CLPTM1: variants seen among roughly 807,000 people sequenced by gnomAD.
CLPTM1 encodes CLPTM1 regulator of GABA type A receptor forward trafficking, also known as putative lipid scramblase CLPTM1.
A neutral mutation model predicts 77.3 loss-of-function variants in CLPTM1; 21 were observed. The observed-to-expected ratio is 0.27, with a 90% CI of 0.19 to 0.39. CLPTM1 has a LOEUF of 0.39. Ranked by LOEUF, CLPTM1 falls within the 10% of genes least tolerant of loss-of-function variation. The probability of loss-of-function intolerance (pLI) is 1.00; values close to 1 mark genes in which losing one functional copy is unlikely to be tolerated. For missense variants in CLPTM1, 642 were observed against 921.2 expected, an observed-to-expected ratio of 0.70 and a Z score of 3.92; for synonymous variants, 373 against 381.0, an observed-to-expected ratio of 0.98 and a Z score of 0.24.
Position 44,987,163 on chromosome 19 carries a change from G to C in CLPTM1, c.794-16G>C. 6.2e-7 allele frequency: 1 copy of C among 1,601,596 alleles called. No individual in the cohort carries two copies. Among genetic ancestry groups the C allele is most frequent in the Non-Finnish European group, 8.5e-7 (1 of 1,171,628 alleles). ...CCTGCCCGGGCCAAATGGTGCCCCT[G>C]CCCCACGTGCTGCAGATGTGAAGTT... On this transcript the variant is annotated splice_polypyrimidine_tract_variant and intron_variant, in intron 7 of 13. Transcript: ENST00000337392.
intron 2 of CLPTM1, among the ~76,000 whole-genome samples, chr19:44,965,165 C>A (rs2122249010): frequency 6.6e-6 from 1 of 152,238 alleles, no homozygotes; most frequent in East Asian, 1.9e-4. Context: ...ATCAGCTTCC[C>A]TACTTATGAG....
upstream of CLPTM1, chr19:44,955,008 A>G (rs991146304): frequency 2.0e-6 from 3 of 1,535,592 alleles, no homozygotes; most frequent in African/African-American, 2.7e-5. Flanking sequence ...AGCTCAAGAA[A>G]CATGGAACGA....
At chr19:44,967,373 A>G (rs1970649975) in intron 2 of CLPTM1, among the ~76,000 whole-genome samples, 4 of 150,940 alleles carry the variant, frequency 2.7e-5, no homozygotes, top group African/African-American at 4.9e-5. Context: ...AAAAAAGTTC[A>G]TGAGGCCGGG....
At chr19:44,987,890 C>G in intron 8 of CLPTM1, 190 bp from the exon 9 acceptor site, 1 of 616,172 alleles carries the variant, frequency 1.6e-6, no homozygotes, top group South Asian at 1.9e-5. Flanking sequence ...AGTGCCATCT[C>G]CCCGTCTCTT....
Position 44,974,695 on chromosome 19 carries a change from G to A in CLPTM1, c.468+98G>A, listed in dbSNP as rs540977908. On this transcript the variant is annotated intron_variant, in intron 4 of 13. Transcript: ENST00000337392. Reference sequence around the variant, plus strand: ...TCCTTGCTGAGAGCATGTGGAGTTTGGGCTCCAGGCTTGGCCCTTCCCTGG... The same window carrying A: ...TCCTTGCTGAGAGCATGTGGAGTTTAGGCTCCAGGCTTGGCCCTTCCCTGG... The A allele has an allele frequency of 7.5e-5, 103 of 1,372,946 alleles. No individual in the cohort carries two copies. In the African/African-American group the frequency reaches 1.1e-3, roughly 15 times the overall value. The allele number at this position is 1,372,946 out of a possible 1,614,324, so 85.0% of individuals were successfully genotyped here.
Position 44,963,564 on chromosome 19 carries a change from A to G in CLPTM1, c.185+1489A>G, listed in dbSNP as rs183410330. Among the ~76,000 whole-genome samples the G allele has an allele frequency of 2.6e-3, 392 of 151,734 alleles. 2 individuals carry two copies. Among genetic ancestry groups the G allele is most frequent in the African/African-American group, 8.9e-3 (370 of 41,350 alleles). On this transcript the variant is annotated intron_variant, in intron 2 of 13. Coordinates refer to ENST00000337392, the MANE Select transcript of CLPTM1 (RefSeq NM_001294.4). ...ATGGTCTCTATCTCCTGACCTCATG[A>G]TCCGCCTGCCTTGGCCTCCCAAAGT...
chr19:44,955,362 G>C (rs1000887564), upstream of CLPTM1: 3 of 1,336,636 alleles, frequency 2.2e-6, no homozygotes, highest in Middle Eastern at 2.8e-4. Flanking sequence ...ACGGGGCGGG[G>C]CTGGCGGCGG....
In CLPTM1 at chr19:44,991,276, C is replaced by T. The variant is rs150481529; in HGVS notation, c.1458C>T (p.Leu486=). 2.0e-3 allele frequency: 3,286 copies of T among 1,614,082 alleles called. 8 individuals carry two copies. The highest frequency in any genetic ancestry group is 3.0e-3 in the Admixed American group (180 of 60,016). The change falls in exon 12 of 14, where the codon CTC becomes CTT. Residue 486 remains leucine, a synonymous_variant. Coordinates refer to ENST00000337392, the MANE Select transcript of CLPTM1 (RefSeq NM_001294.4). This position sits in a 1 kb window ranked among gnomAD's most constrained non-coding sequence, Gnocchi z 5.4. ...FRYLSWILFP[L]LGCYAVYSLL... is the part of the protein sequence containing the mutation. ...ACCTGTCCTGGATCCTCTTCCCGCT[C>T]CTGGGCTGCTATGCCGTCTACAGTC...
rs896697871 is a variant in CLPTM1 at position 44,993,026 on chromosome 19, G to T, written c.*129G>T. ...CGGGGCGGTGGGAGGCCCGCCTCAG[G>T]TCAGGGCCCAGCGTGTGATGTAGGG... On this transcript the variant is annotated 3_prime_UTR_variant, in exon 14 of 14. Coordinates refer to ENST00000337392, the MANE Select transcript of CLPTM1 (RefSeq NM_001294.4). 8.4e-7 allele frequency: 1 copy of T among 1,192,982 alleles called. No homozygotes were observed. Among genetic ancestry groups the T allele is most frequent in the South Asian group, 1.3e-5 (1 of 77,390 alleles). 73.9% of individuals were successfully genotyped at this position (1,192,982 alleles called of 1,614,324 possible).
At position 44,990,956 on chromosome 19, in the gene CLPTM1, T is replaced by C; in HGVS notation, c.1419+11T>C. On this transcript the variant is annotated intron_variant, in intron 11 of 13. Coordinates refer to ENST00000337392, the MANE Select transcript of CLPTM1 (RefSeq NM_001294.4). The surrounding 1 kb of genome is among the most constrained non-coding windows in gnomAD (Gnocchi z 4.8). ...AAAGTGTATGATGATGTGAGTGTCC[T>C]GCACAGTGGGCCCCTGGGGGTGGTC... The C allele has an allele frequency of 6.3e-7, 1 of 1,593,098 alleles. No homozygotes were observed. The highest frequency in any genetic ancestry group is 8.6e-7 in the Non-Finnish European group (1 of 1,167,980).
chr19:44,965,979 G>A (rs901772391), intron 2 of CLPTM1, among the ~76,000 whole-genome samples: 10 of 152,250 alleles, frequency 6.6e-5, no homozygotes, highest in Admixed American at 6.5e-4. Context: ...GAAGAGGAGA[G>A]TGGTTATGGG....
intron 6 of CLPTM1, 132 bp from the exon 7 acceptor site, chr19:44,986,323 A>AC: frequency 8.4e-7 from 1 of 1,196,446 alleles, no homozygotes. Flanking sequence ...GCATAGTGAG[A>AC]CCCCATCTCA....
At chr19:44,982,668 C>T (rs754907026) in intron 5 of CLPTM1, among the ~76,000 whole-genome samples, 2 of 152,204 alleles carry the variant, frequency 1.3e-5, no homozygotes, top group African/African-American at 2.4e-5. Flanking sequence ...GGTGTGGACA[C>T]GATTGGGGCA....
In CLPTM1 at chr19:44,993,142, C is replaced by G. The variant is rs1164825311; in HGVS notation, c.*245C>G. The G allele has an allele frequency of 1.9e-6, 1 of 528,148 alleles. No individual in the cohort carries two copies. The highest frequency in any genetic ancestry group is 3.7e-6 in the Non-Finnish European group (1 of 273,704). The allele number at this position is 528,148 out of a possible 1,614,324, so 32.7% of individuals were successfully genotyped here. On this transcript the variant is annotated 3_prime_UTR_variant, in exon 14 of 14. Coordinates refer to ENST00000337392, the MANE Select transcript of CLPTM1 (RefSeq NM_001294.4). ...CCATCTCGCCCTGCCAGCCCAGCAC[C>G]ACTGGGAATCATGGTGAAGCTGATG...
In CLPTM1 at chr19:44,990,976, G is replaced by T. The variant is rs780423021; in HGVS notation, c.1419+31G>T. ...TGTCCTGCACAGTGGGCCCCTGGGG[G>T]TGGTCTCCAGGTACCACGTATCCCT... is the stretch of plus-strand genomic sequence containing the variant. On this transcript the variant is annotated intron_variant, in intron 11 of 13. Transcript: ENST00000337392. The surrounding 1 kb of genome is among the most constrained non-coding windows in gnomAD (Gnocchi z 4.8). 1.3e-5 allele frequency: 19 copies of T among 1,412,018 alleles called. No homozygotes were observed. In the Admixed American group the frequency reaches 1.3e-4, roughly 10 times the overall value. The allele number at this position is 1,412,018 out of a possible 1,614,324, so 87.5% of individuals were successfully genotyped here.
intron 6 of CLPTM1, among the ~76,000 whole-genome samples, chr19:44,985,552 A>G (rs1255813186): frequency 6.6e-6 from 1 of 152,192 alleles, no homozygotes; most frequent in African/African-American, 2.4e-5. Context: ...AGGGGTCTAC[A>G]TCACAGTCCC....
chr19:44,990,296 C>A lies in CLPTM1; in HGVS notation c.1133-99C>A. 7.8e-7 allele frequency: 1 copy of A among 1,286,974 alleles called. No homozygotes were observed. The highest frequency in any genetic ancestry group is 1.1e-6 in the Non-Finnish European group (1 of 915,910). 79.7% of individuals were successfully genotyped at this position (1,286,974 alleles called of 1,614,324 possible). Reference sequence around the variant, plus strand: ...CCCCTCCTGAGGACCCAGCCCCACCCCAGGGTGTGAGGATGCAGGCCAAGG... The same window carrying A: ...CCCCTCCTGAGGACCCAGCCCCACCACAGGGTGTGAGGATGCAGGCCAAGG... On this transcript the variant is annotated intron_variant, in intron 9 of 13. Coordinates refer to ENST00000337392, the MANE Select transcript of CLPTM1 (RefSeq NM_001294.4). The surrounding 1 kb of genome is among the most constrained non-coding windows in gnomAD (Gnocchi z 4.8).
chr19:44,991,046 C>T lies in CLPTM1; in HGVS notation c.1419+101C>T. ...ATCTGTCTGCCGGACCCATGCTTTA[C>T]AGCCTGTGCCACATCCTCTGTGTCC... On this transcript the variant is annotated intron_variant, in intron 11 of 13. Coordinates refer to ENST00000337392, the MANE Select transcript of CLPTM1 (RefSeq NM_001294.4). This position sits in a 1 kb window ranked among gnomAD's most constrained non-coding sequence, Gnocchi z 5.4. 10 of 1,297,658 alleles carry T rather than the reference C, an allele frequency of 7.7e-6. No homozygotes were observed. The highest frequency in any genetic ancestry group is 2.5e-5 in the South Asian group (2 of 80,252). 80.4% of individuals were successfully genotyped at this position (1,297,658 alleles called of 1,614,324 possible). A position where few individuals can be genotyped will look rare whatever the true frequency, so the allele number is the denominator to read the frequency against.
chr19:44,964,298 C>CTTTTTTTTTTTTTTTTTTTT (rs35539206), intron 2 of CLPTM1, among the ~76,000 whole-genome samples: 2 of 68,120 alleles, frequency 2.9e-5, no homozygotes, highest in African/African-American at 6.2e-5. Context: ...TCATTTTAAC[C>CTTTTTTTTTTTTTTTTTTTT]TTTTTTTTTT....
Sources: allele counts gnomAD v4.1 joint callset (sites outside exome capture counted in the v4.1 genomes callset), GRCh38; gene constraint gnomAD v4.1.1; non-coding constraint Gnocchi (gnomAD v3.1); transcripts MANE v1.5; gene names NCBI Gene and HGNC (gene_info 2026-07-23, HGNC 2026-07-21).